FOXP2: variants seen among roughly 807,000 people sequenced by gnomAD.
The protein encoded by FOXP2 is forkhead box P2, also known as forkhead box protein P2.
FOXP2 carries 12 observed loss-of-function variants against 115.8 expected under a neutral mutation model. The observed-to-expected ratio is 0.10, with a 90% CI of 0.07 to 0.17. The LOEUF (loss-of-function observed/expected upper bound fraction) is 0.17, where lower values mean the gene tolerates loss of function less well. Ranked by LOEUF, FOXP2 falls within the 10% of genes least tolerant of loss-of-function variation. The probability of loss-of-function intolerance (pLI) is 1.00; values close to 1 mark genes in which losing one functional copy is unlikely to be tolerated. For missense variants in FOXP2, 629 were observed against 843.5 expected, an observed-to-expected ratio of 0.75 and a Z score of 3.15; for synonymous variants, 328 against 297.7, an observed-to-expected ratio of 1.10 and a Z score of -1.05.
intron 2 of FOXP2, among the ~76,000 whole-genome samples, chr7:114,505,568 CA>C (rs966630102): frequency 9.3e-4 from 129 of 138,778 alleles, no homozygotes; most frequent in Admixed American, 8.7e-4. Flanking sequence ...AATCACTCTC[CA>C]AAAAAAAAAA....
At chr7:114,324,925 A>G (rs1354808691) in intron 2 of FOXP2, among the ~76,000 whole-genome samples, 1 of 151,838 alleles carries the variant, frequency 6.6e-6, no homozygotes, top group African/African-American at 2.4e-5. Context: ...GTGGGCACAT[A>G]GTAGGTGTAT....
chr7:114,519,457 A>AT (rs1798506096), intron 2 of FOXP2, among the ~76,000 whole-genome samples: 1 of 152,150 alleles, frequency 6.6e-6, no homozygotes, highest in Non-Finnish European at 1.5e-5. Flanking sequence ...GCATCCTCCT[A>AT]TAACAACAGA....
rs1258577911 is a variant in FOXP2 at position 114,196,261 on chromosome 7, C to T, written c.-102+33173C>T. ...TCTTGACCTCGTGATTTGCCCACCT[C>T]GGCCTTCCAAAGTGCTGTGATTATA... On this transcript the variant is annotated intron_variant, in intron 1 of 17. Coordinates refer to the FOXP2 transcript ENST00000634411. Among the ~76,000 whole-genome samples the T allele has an allele frequency of 2.6e-5, 4 of 151,734 alleles. No homozygotes were observed. The East Asian group carries it at 5.8e-4, about 22-fold the overall frequency.
intron 1 of FOXP2, among the ~76,000 whole-genome samples, chr7:114,214,781 G>T (rs1166771079): frequency 6.6e-6 from 1 of 152,124 alleles, no homozygotes; most frequent in Non-Finnish European, 1.5e-5. Context: ...GGCTCAGTAT[G>T]CAATTTTTAA....
intron 1 of FOXP2, among the ~76,000 whole-genome samples, chr7:114,287,147 CA>C (rs1425927711): frequency 6.6e-6 from 1 of 151,824 alleles, no homozygotes; most frequent in African/African-American, 2.4e-5. Flanking sequence ...CTATCTATAA[CA>C]GGGGTATCCA....
At chr7:114,439,234 T>A (rs1011925602) in intron 2 of FOXP2, among the ~76,000 whole-genome samples, 3 of 152,180 alleles carry the variant, frequency 2.0e-5, no homozygotes, top group Non-Finnish European at 4.4e-5. Context: ...CTTCCCAACT[T>A]CAAAATTCTA....
chr7:114,536,397 C>CTTTTTTTTTT (rs3997242), intron 3 of FOXP2, among the ~76,000 whole-genome samples: 24 of 112,286 alleles, frequency 2.1e-4, no homozygotes, highest in Admixed American at 3.8e-4. Context: ...TTTTTCTTTT[C>CTTTTTTTTTT]TTTTTTTTTT....
intron 2 of FOXP2, among the ~76,000 whole-genome samples, chr7:114,388,209 C>G (rs1204363556): frequency 6.6e-6 from 1 of 152,112 alleles, no homozygotes; most frequent in African/African-American, 2.4e-5. Flanking sequence ...CCTTCTCACA[C>G]TCTTATCAGA....
At chr7:114,614,572 A>T (rs1193453805) in intron 3 of FOXP2, among the ~76,000 whole-genome samples, 1 of 151,922 alleles carries the variant, frequency 6.6e-6, no homozygotes, top group Non-Finnish European at 1.5e-5. Flanking sequence ...GGTGGACCGC[A>T]CCTCCTTCAC....
intron 3 of FOXP2, among the ~76,000 whole-genome samples, chr7:114,545,932 T>C (rs1799902214): frequency 6.6e-6 from 1 of 152,224 alleles, no homozygotes. Context: ...ATATTACTTA[T>C]ATGTCTTGTT....
At position 114,652,278 on chromosome 7, in the gene FOXP2, G is replaced by A; in HGVS notation, c.1170G>A (p.Gln390=). ...QCRVQMQVVQ[Q]LEIQLSKERE... ...GAGTGCAAATGCAGGTGGTGCAACAGTTAGAAATACAGGTTTGTTAAATGC... is the reference window on the plus strand; with the variant it reads ...GAGTGCAAATGCAGGTGGTGCAACAATTAGAAATACAGGTTTGTTAAATGC... The change falls in exon 9 of 17, where the codon CAG becomes CAA. Residue 390 remains glutamine, a synonymous_variant. Transcript: ENST00000350908. 6.2e-7 allele frequency: 1 copy of A among 1,612,816 alleles called. No homozygotes were observed. Among genetic ancestry groups the A allele is most frequent in the Admixed American group, 1.7e-5 (1 of 59,848 alleles).
intron 1 of FOXP2, among the ~76,000 whole-genome samples, chr7:114,278,268 C>T (rs1796242405): frequency 6.6e-6 from 1 of 151,988 alleles, no homozygotes; most frequent in Admixed American, 6.6e-5. Flanking sequence ...TATAATACAT[C>T]CTTCTATTGA....
In FOXP2 at chr7:114,692,925, T is replaced by C. The variant is rs1258863519; in HGVS notation, c.*2999T>C. 4 of 454,004 alleles carry C rather than the reference T, an allele frequency of 8.8e-6. No individual in the cohort carries two copies. Among genetic ancestry groups the C allele is most frequent in the South Asian group, 1.6e-5 (1 of 64,468 alleles). 28.1% of individuals were successfully genotyped at this position (454,004 alleles called of 1,614,324 possible). On this transcript the variant is annotated 3_prime_UTR_variant, in exon 17 of 17. Transcript: ENST00000350908. ...TGACGTTAGAAGTCATGGTTGAGAA[T>C]TGTAACAGCTGTTATTCGTTCTGTA...
intron 1 of FOXP2, among the ~76,000 whole-genome samples, chr7:114,247,649 A>G (rs981893273): frequency 1.3e-5 from 2 of 152,214 alleles, no homozygotes; most frequent in African/African-American, 4.8e-5. Context: ...TTAACGTAGT[A>G]TTCATCAAAT....
intron 2 of FOXP2, among the ~76,000 whole-genome samples, chr7:114,515,004 G>A (rs1038870845): frequency 6.6e-6 from 1 of 151,620 alleles, no homozygotes; most frequent in East Asian, 1.9e-4. Flanking sequence ...TACTGAGAAC[G>A]ATGATTTCCA....
upstream of FOXP2, among the ~76,000 whole-genome samples, chr7:114,410,874 CAA>C (rs1004038451): frequency 7.9e-6 from 1 of 126,688 alleles, no homozygotes. Flanking sequence ...TGGCAGTAGC[CAA>C]AAAAAAAAAG....
chr7:114,437,068 G>A (rs533848008), intron 2 of FOXP2, among the ~76,000 whole-genome samples: 124 of 152,230 alleles, frequency 8.1e-4, no homozygotes, highest in African/African-American at 2.8e-3. Flanking sequence ...TTACATTGCA[G>A]TGTTGTATGA....
At chr7:114,381,472 A>G (rs10233347) in intron 2 of FOXP2, among the ~76,000 whole-genome samples, 54,978 of 151,998 alleles carry the variant, frequency 0.36, 10,546 homozygotes, top group African/African-American at 0.43. Context: ...GATGGGGGCT[A>G]TCCTTGAACC....
chr7:114,168,925 G>A (rs1003919722), intron 1 of FOXP2, among the ~76,000 whole-genome samples: 9 of 152,220 alleles, frequency 5.9e-5, no homozygotes, highest in Non-Finnish European at 1.3e-4. Context: ...TGTGGCTTCC[G>A]AGGGTTCAAG....
Sources: gnomAD v4.1 joint callset for allele counts (sites outside exome capture counted in the v4.1 genomes callset) on GRCh38, gnomAD v4.1.1 for gene constraint, MANE v1.5 for transcripts, NCBI Gene and HGNC (gene_info 2026-07-23, HGNC 2026-07-21) for gene names.